Variants in DAB1 observed in about 807,000 individuals in gnomAD.
DAB1 encodes the protein disabled homolog 1.
Under a neutral mutation model 64.6 loss-of-function variants are expected in DAB1, and 15 were observed. The observed-to-expected ratio is 0.23, with a 90% CI of 0.16 to 0.36. DAB1 has a LOEUF of 0.36. DAB1 is among the 10% of genes least tolerant of loss of function. The pLI, the probability that DAB1 is intolerant of heterozygous loss-of-function variation, is 1.00. For synonymous variants in DAB1, 235 were observed against 251.9 expected (o/e 0.93, Z 0.64); for missense variants, 596 against 706.7 (o/e 0.84, Z 1.78).
At position 57,014,981 on chromosome 1, in the gene DAB1, T is replaced by C. The variant is rs752070568; in HGVS notation, c.1346A>G (p.Lys449Arg). Residue 449 changes from lysine to arginine, a missense_variant, in exon 12 of 15, where the codon AAA (lysine) becomes AGA (arginine). This residue lies in a region of DAB1 where 377 missense variants were observed against 400.4 expected (regional missense o/e 0.94). Coordinates refer to ENST00000371236, the MANE Select transcript of DAB1 (RefSeq NM_001365792.1). ...GTCTGTATCCTGTGCCACCCCGACTTTGTTGAAGTAACTGGAGAAGGCCTC... is the reference window on the plus strand; with the variant it reads ...GTCTGTATCCTGTGCCACCCCGACTCTGTTGAAGTAACTGGAGAAGGCCTC... ...TSEAFSSYFN[K>R]VGVAQDTDDC... 5.5e-5 allele frequency: 89 copies of C among 1,613,970 alleles called. No individual in the cohort carries two copies. The highest frequency in any genetic ancestry group is 1.6e-4 in the Middle Eastern group (1 of 6,084).
At chr1:58,384,351 G>A (rs116454556) in intron 3 of DAB1, among the ~76,000 whole-genome samples, 192 of 152,278 alleles carry the variant, frequency 1.3e-3, no homozygotes, top group African/African-American at 4.3e-3. Context: ...TGAAGTAGAC[G>A]ATAGAATGGT....
intron 7 of DAB1, among the ~76,000 whole-genome samples, chr1:57,614,849 CTTCT>C (rs147130843): frequency 0.39 from 43,586 of 112,042 alleles, 9,994 homozygotes; most frequent in Admixed American, 0.48. Context: ...CCATTTTTGC[CTTCT>C]TTCTTTCTTT....
At chr1:57,818,279 A>G (rs1354339054) in intron 6 of DAB1, among the ~76,000 whole-genome samples, 2 of 152,192 alleles carry the variant, frequency 1.3e-5, no homozygotes, top group Non-Finnish European at 2.9e-5. Context: ...GAATATGTGC[A>G]ATAGACATGC....
At chr1:57,955,904 C>T (rs1360787275) in intron 5 of DAB1, among the ~76,000 whole-genome samples, 2 of 151,994 alleles carry the variant, frequency 1.3e-5, no homozygotes, top group Non-Finnish European at 2.9e-5. Flanking sequence ...CATATTATTC[C>T]CATTTTAAAA....
At chr1:57,824,401 T>C (rs1313468595), downstream of DAB1, among the ~76,000 whole-genome samples, 2 of 152,136 alleles carry the variant, frequency 1.3e-5, no homozygotes, top group African/African-American at 4.8e-5. Flanking sequence ...CGATGGCTGA[T>C]TGCTTTTGAA....
At chr1:57,661,962 T>C (rs1227363736) in intron 6 of DAB1, among the ~76,000 whole-genome samples, 1 of 152,026 alleles carries the variant, frequency 6.6e-6, no homozygotes, top group East Asian at 1.9e-4. Context: ...ATAAAAGGAA[T>C]GTTGGGACTT....
chr1:57,422,341 A>C (rs993468895), intron 1 of DAB1, among the ~76,000 whole-genome samples: 5 of 152,178 alleles, frequency 3.3e-5, no homozygotes, highest in African/African-American at 9.7e-5. Context: ...TAGGAGCTGC[A>C]CTGGAGCATC....
intron 3 of DAB1, among the ~76,000 whole-genome samples, chr1:58,488,992 C>A (rs1645626398): frequency 6.6e-6 from 1 of 152,244 alleles, no homozygotes; most frequent in South Asian, 2.1e-4. Context: ...AGGAACAGCT[C>A]CAGTCTACAG....
At chr1:57,918,088 A>AATAC (rs1443111486) in intron 5 of DAB1, among the ~76,000 whole-genome samples, 27 of 150,074 alleles carry the variant, frequency 1.8e-4, no homozygotes, top group Non-Finnish European at 3.6e-4. Context: ...TAAATAAATA[A>AATAC]ATAAATAAAT....
chr1:58,428,872 C>T (rs544320075), intron 3 of DAB1, among the ~76,000 whole-genome samples: 1 of 152,238 alleles, frequency 6.6e-6, no homozygotes, highest in Admixed American at 6.5e-5. Context: ...AGAATATACA[C>T]AAGAAATTCA....
chr1:57,146,814 G>C (rs1179879791), intron 2 of DAB1, among the ~76,000 whole-genome samples: 1 of 152,160 alleles, frequency 6.6e-6, no homozygotes, highest in Non-Finnish European at 1.5e-5. Flanking sequence ...AAGTGTGTAA[G>C]AAGGTTCAAG....
chr1:57,641,514 G>A (rs901200961), intron 7 of DAB1, among the ~76,000 whole-genome samples: 3 of 150,458 alleles, frequency 2.0e-5, no homozygotes, highest in Non-Finnish European at 4.4e-5. Context: ...CTCCCGAGTA[G>A]CTGGGACTAC....
intron 4 of DAB1, among the ~76,000 whole-genome samples, chr1:58,224,728 T>A (rs1659367672): frequency 6.6e-6 from 1 of 152,164 alleles, no homozygotes; most frequent in African/African-American, 2.4e-5. Context: ...CCCTATTTAA[T>A]AAATGGTGCT....
chr1:57,322,660 T>C (rs1675816016), intron 1 of DAB1, among the ~76,000 whole-genome samples: 1 of 152,200 alleles, frequency 6.6e-6, no homozygotes, highest in African/African-American at 2.4e-5. Context: ...TTCACTTTTA[T>C]GAAACAATTA....
chr1:58,259,298 A>G (rs577292456), intron 4 of DAB1, among the ~76,000 whole-genome samples: 3 of 152,320 alleles, frequency 2.0e-5, no homozygotes, highest in Admixed American at 1.3e-4. Flanking sequence ...TTCCTTACTC[A>G]GAATTCTCCA....
intron 6 of DAB1, among the ~76,000 whole-genome samples, chr1:57,742,174 G>T (rs1298560221): frequency 1.3e-5 from 2 of 152,070 alleles, no homozygotes; most frequent in African/African-American, 4.8e-5. Context: ...GCCCACTAAT[G>T]CATTTCTCAG....
At chr1:57,204,912 A>C (rs973560752) in intron 2 of DAB1, among the ~76,000 whole-genome samples, 3 of 152,194 alleles carry the variant, frequency 2.0e-5, no homozygotes, top group African/African-American at 7.2e-5. Flanking sequence ...CCATTGAAAT[A>C]CCAATAGCAA....
chr1:58,330,051 A>G (rs916244594), intron 4 of DAB1, among the ~76,000 whole-genome samples: 3 of 152,248 alleles, frequency 2.0e-5, no homozygotes, highest in African/African-American at 4.8e-5. Flanking sequence ...AAGCTGAGAT[A>G]GTCCAAAAGC....
chr1:58,013,110 T>A (rs1037533755), intron 5 of DAB1, among the ~76,000 whole-genome samples: 1 of 152,190 alleles, frequency 6.6e-6, no homozygotes, highest in Non-Finnish European at 1.5e-5. Flanking sequence ...CTGACTCTCA[T>A]GGCACAGTCT....
Sources: gnomAD v4.1 joint callset for allele counts (sites outside exome capture counted in the v4.1 genomes callset) on GRCh38, gnomAD v4.1.1 for gene constraint, gnomAD v4.1.1 regional missense constraint, MANE v1.5 for transcripts, NCBI Gene and HGNC (gene_info 2026-07-23, HGNC 2026-07-21) for gene names.